Variants in ARID5B observed in about 807,000 individuals in gnomAD.
The protein encoded by ARID5B is AT-rich interactive domain-containing protein 5B.
In ARID5B, 13 loss-of-function variants were observed where a neutral mutation model predicts 97.2. The ratio of observed to expected loss-of-function variants is 0.13; its 90% CI spans 0.09 to 0.21. The LOEUF (loss-of-function observed/expected upper bound fraction) is 0.21. ARID5B is among the 10% of genes least tolerant of loss of function. The pLI is 1.00. For synonymous variants in ARID5B, 556 were observed against 570.3 expected (o/e 0.97, Z 0.36); for missense variants, 1,210 against 1,465.3 (o/e 0.83, Z 2.84).
intron 3 of ARID5B, among the ~76,000 whole-genome samples, chr10:61,950,100 C>T (rs912909352): frequency 1.6e-4 from 24 of 152,234 alleles, no homozygotes; most frequent in African/African-American, 5.5e-4. Context: ...CTCTGCCTTC[C>T]GGGTTCAAGT....
At position 62,021,320 on chromosome 10, in the gene ARID5B, GA is replaced by G. The variant is rs951714161; in HGVS notation, c.733+21002del. On this transcript the variant is annotated intron_variant, in intron 4 of 9. Coordinates refer to ENST00000279873, the MANE Select transcript of ARID5B (RefSeq NM_032199.3). Reference sequence around the variant, plus strand: ...TCCTAGCATGTTATTCATTTATTGAGAAATTTGGAATGTAAAACATCTGGGA... The same window carrying G: ...TCCTAGCATGTTATTCATTTATTGAGAATTTGGAATGTAAAACATCTGGGA... Among the ~76,000 whole-genome samples the G allele has an allele frequency of 3.4e-3, 512 of 152,146 alleles. 5 individuals are homozygous for G. Among genetic ancestry groups the G allele is most frequent in the African/African-American group, 0.012 (505 of 41,506 alleles).
At chr10:62,004,769 A>G (rs1839125287) in intron 4 of ARID5B, among the ~76,000 whole-genome samples, 1 of 152,244 alleles carries the variant, frequency 6.6e-6, no homozygotes, top group Non-Finnish European at 1.5e-5. Context: ...CAGTGTTTAC[A>G]TTAATATCAC....
chr10:61,950,085 G>A (rs190113186), intron 3 of ARID5B, among the ~76,000 whole-genome samples: 4 of 152,292 alleles, frequency 2.6e-5, no homozygotes, highest in Non-Finnish European at 5.9e-5. Flanking sequence ...TCTGCAGACT[G>A]CAACCTCTGC....
At chr10:61,952,405 C>A (rs1838335327) in intron 3 of ARID5B, among the ~76,000 whole-genome samples, 1 of 152,232 alleles carries the variant, frequency 6.6e-6, no homozygotes, top group African/African-American at 2.4e-5. Flanking sequence ...TTATTGATCA[C>A]CTTACTCTAT....
chr10:61,973,663 T>A (rs1453859819), intron 3 of ARID5B, among the ~76,000 whole-genome samples: 2 of 152,204 alleles, frequency 1.3e-5, no homozygotes, highest in Non-Finnish European at 1.5e-5. Context: ...TTTCTGTGTG[T>A]ACAATTTTAT....
chr10:61,925,156 G>A (rs1347965702), intron 2 of ARID5B, among the ~76,000 whole-genome samples: 2 of 152,028 alleles, frequency 1.3e-5, no homozygotes, highest in Non-Finnish European at 2.9e-5. Flanking sequence ...AGTGAGCAGA[G>A]ATCGCACCAC....
intron 3 of ARID5B, among the ~76,000 whole-genome samples, chr10:61,992,847 T>C (rs1452501600): frequency 6.6e-6 from 1 of 152,138 alleles, no homozygotes; most frequent in African/African-American, 2.4e-5. Flanking sequence ...GCTTACTGTG[T>C]CGAGAATTAC....
chr10:62,049,550 T>C, intron 4 of ARID5B: 1 of 1,548,054 alleles, frequency 6.5e-7, no homozygotes. Flanking sequence ...AATTCCAGGC[T>C]GGCTTTCTGG....
chr10:61,991,073 C>CACACACACACACACACA (rs1554842863), intron 3 of ARID5B, among the ~76,000 whole-genome samples: 1 of 150,500 alleles, frequency 6.6e-6, no homozygotes, highest in East Asian at 2.0e-4. Flanking sequence ...CACACACACA[C>CACACACACACACACACA]CAAATTTTGT....
At chr10:62,051,237 A>C (rs1839785672) in intron 5 of ARID5B, 5 of 593,962 alleles carry the variant, frequency 8.4e-6, no homozygotes, top group Non-Finnish European at 1.5e-5. Context: ...CCTACCTCCC[A>C]GTTTGGCCTG....
At chr10:62,063,787 G>T (rs1839952631) in intron 7 of ARID5B, among the ~76,000 whole-genome samples, 1 of 152,206 alleles carries the variant, frequency 6.6e-6, no homozygotes, top group African/African-American at 2.4e-5. Flanking sequence ...ATTTGAAGAG[G>T]TAGAGCTGGA....
chr10:61,985,303 T>TC (rs1363464971), intron 3 of ARID5B, among the ~76,000 whole-genome samples: 1 of 151,726 alleles, frequency 6.6e-6, no homozygotes, highest in Non-Finnish European at 1.5e-5. Context: ...ATACATCTGT[T>TC]CACATGCCCA....
At chr10:62,002,875 G>C (rs1357583565) in intron 4 of ARID5B, among the ~76,000 whole-genome samples, 8 of 152,140 alleles carry the variant, frequency 5.3e-5, no homozygotes, top group Non-Finnish European at 1.2e-4. Flanking sequence ...GGTGACTTCA[G>C]TAATTGGTCA....
intron 3 of ARID5B, among the ~76,000 whole-genome samples, chr10:61,950,319 TC>T (rs1838306170): frequency 6.6e-6 from 1 of 152,168 alleles, no homozygotes; most frequent in South Asian, 2.1e-4. Context: ...ACCATCATGG[TC>T]TTTTAAATAT....
intron 3 of ARID5B, among the ~76,000 whole-genome samples, chr10:61,982,511 C>T (rs1187133321): frequency 6.6e-6 from 1 of 152,056 alleles, no homozygotes; most frequent in African/African-American, 2.4e-5. Flanking sequence ...AAAAAAAATG[C>T]TTTTAAAGAA....
rs376124965 is a variant in ARID5B at position 62,091,864 on chromosome 10, G to C, written c.2401G>C (p.Val801Leu). 4 of 1,613,876 alleles carry C rather than the reference G, an allele frequency of 2.5e-6. No homozygotes were observed. The highest frequency in any genetic ancestry group is 2.7e-5 in the African/African-American group (2 of 74,852). Residue 801 changes from valine (V) to leucine (L), a missense_variant, in exon 10 of 10, where the codon GTC becomes CTC. Val to Leu is a conservative substitution (Grantham distance 32). Around this residue, in one of 8 missense-constraint regions of ARID5B, gnomAD observed 800 missense variants for 839.1 expected, o/e 0.95. Coordinates refer to ENST00000279873, the MANE Select transcript of ARID5B (RefSeq NM_032199.3). Reference protein sequence around the residue: ...HHLNPLADSYVLKQEIQEGKD... With the variant: ...HHLNPLADSYLLKQEIQEGKD... The stretch of plus-strand genomic sequence containing the variant: ...CCTTAACCCCCTTGCTGACTCCTAC[G>C]TCCTGAAGCAAGAAATTCAGGAGGG...
At chr10:61,931,415 C>T (rs1844207769) in intron 2 of ARID5B, among the ~76,000 whole-genome samples, 1 of 151,994 alleles carries the variant, frequency 6.6e-6, no homozygotes, top group Non-Finnish European at 1.5e-5. Context: ...TAGAACAGAA[C>T]ATAGGAGAAA....
Position 62,092,925 on chromosome 10 carries a change from T to TG in ARID5B, c.3466dup (p.Asp1156GlyfsTer5). 1 of 1,614,228 alleles carries TG rather than the reference T, an allele frequency of 6.2e-7. No homozygotes were observed. Among genetic ancestry groups the TG allele is most frequent in the Non-Finnish European group, 8.5e-7 (1 of 1,180,038 alleles). ...CGGCTACACCTGTAGGAAGTTCATA[T>TG]GGGGACCTTTTGCATAACAGCATTT... On this transcript the variant is annotated frameshift_variant, in exon 10 of 10. Coordinates refer to ENST00000279873, the MANE Select transcript of ARID5B (RefSeq NM_032199.3). LOFTEE classifies it high-confidence loss of function.
chr10:61,957,994 GGTT>G (rs1838415697), intron 3 of ARID5B, among the ~76,000 whole-genome samples: 2 of 152,190 alleles, frequency 1.3e-5, no homozygotes, highest in African/African-American at 4.8e-5. Context: ...TTCATTTTGA[GGTT>G]GTCCACCTGG....
Sources: gnomAD v4.1 joint callset for allele counts (sites outside exome capture counted in the v4.1 genomes callset) on GRCh38, gnomAD v4.1.1 for gene constraint, gnomAD v4.1.1 regional missense constraint, MANE v1.5 for transcripts, NCBI Gene and HGNC (gene_info 2026-07-23, HGNC 2026-07-21) for gene names.